NPY2R: variants seen among roughly 807,000 people sequenced by gnomAD.
The protein encoded by NPY2R is neuropeptide Y receptor Y2.
NPY2R carries 17 observed loss-of-function variants against 22.3 expected under a neutral mutation model. That is an observed-to-expected ratio of 0.76 (90% CI 0.52 to 1.14). The LOEUF (loss-of-function observed/expected upper bound fraction) is 1.14, where lower values mean the gene tolerates loss of function less well. NPY2R is among the 50% of genes most tolerant of loss of function. The pLI is 0.00. For missense variants in NPY2R, 424 were observed against 467.9 expected (o/e 0.91, Z 0.87); for synonymous variants, 209 against 183.4 (o/e 1.14, Z -1.13).
rs144160377 is a variant in NPY2R, at chr4:155,214,198, T to G, written c.259T>G (p.Phe87Val). The stretch of plus-strand genomic sequence containing the variant: ...CAAGAGCATGCGCACAGTAACCAAC[T>G]TTTTCATTGCCAATCTGGCTGTGGC... ...KFKSMRTVTN[F>V]FIANLAVADL... is the part of the protein sequence containing the mutation. Residue 87 changes from phenylalanine to valine, a missense_variant, in exon 2 of 2, where the codon TTT becomes GTT. Phe to Val is a conservative substitution (Grantham distance 50). Coordinates refer to ENST00000329476, the MANE Select transcript of NPY2R (RefSeq NM_000910.4). 1.2e-6 allele frequency: 2 copies of G among 1,614,014 alleles called. No individual in the cohort carries two copies. The highest frequency in any genetic ancestry group is 1.3e-5 in the African/African-American group (1 of 74,918).
the NPY2R span, among the ~76,000 whole-genome samples, chr4:155,199,261 C>A: frequency 6.6e-6 from 1 of 151,738 alleles, no homozygotes; most frequent in Non-Finnish European, 1.5e-5. Context: ...ATTGAACAAA[C>A]AAACAACATC....
At chr4:155,204,971 A>C (rs1729252929), upstream of NPY2R, among the ~76,000 whole-genome samples, 1 of 151,912 alleles carries the variant, frequency 6.6e-6, no homozygotes, top group Non-Finnish European at 1.5e-5. Context: ...CATATATGAA[A>C]AATGGACCTT....
the NPY2R span, among the ~76,000 whole-genome samples, chr4:155,177,930 C>T: frequency 3.9e-5 from 6 of 152,106 alleles, no homozygotes; most frequent in East Asian, 5.8e-4. Flanking sequence ...TACCTTCAAA[C>T]CATAGCACCT....
upstream of NPY2R, among the ~76,000 whole-genome samples, chr4:155,203,798 C>CAATCAGTTT (rs1301051241): frequency 3.9e-5 from 6 of 152,160 alleles, no homozygotes; most frequent in Non-Finnish European, 7.4e-5. Context: ...TAAAGCAAGA[C>CAATCAGTTT]AATCAGTTTT....
chr4:155,174,984 A>G, the NPY2R span, among the ~76,000 whole-genome samples: 3 of 152,140 alleles, frequency 2.0e-5, no homozygotes, highest in Non-Finnish European at 4.4e-5. Flanking sequence ...AGAAAATTTT[A>G]AAATCTTTAA....
chr4:155,195,084 A>G, the NPY2R span, among the ~76,000 whole-genome samples: 1 of 151,974 alleles, frequency 6.6e-6, no homozygotes, highest in African/African-American at 2.4e-5. Flanking sequence ...AGAATTTACA[A>G]TGGATAACTT....
the NPY2R span, among the ~76,000 whole-genome samples, chr4:155,195,901 T>C: frequency 6.6e-6 from 1 of 152,022 alleles, no homozygotes; most frequent in African/African-American, 2.4e-5. Flanking sequence ...TGTGTAACAT[T>C]TGCTCTTAGT....
chr4:155,191,875 C>T, the NPY2R span, among the ~76,000 whole-genome samples: 2 of 151,890 alleles, frequency 1.3e-5, no homozygotes, highest in African/African-American at 4.8e-5. Context: ...GTGGCTGTCA[C>T]ATACTACATA....
At chr4:155,176,917 T>C in the NPY2R span, among the ~76,000 whole-genome samples, 1 of 152,130 alleles carries the variant, frequency 6.6e-6, no homozygotes. Flanking sequence ...TGTGTTCCCA[T>C]GGCGGAAGAG....
At chr4:155,174,484 A>ATATATATATATAT in the NPY2R span, among the ~76,000 whole-genome samples, 65 of 106,056 alleles carry the variant, frequency 6.1e-4, no homozygotes, top group Middle Eastern at 4.4e-3. Flanking sequence ...ATATATATAT[A>ATATATATATATAT]TTTTTTTTTT....
chr4:155,181,463 TA>T, the NPY2R span, among the ~76,000 whole-genome samples: 75 of 151,504 alleles, frequency 5.0e-4, no homozygotes, highest in Middle Eastern at 3.4e-3. Context: ...AAAAGAGCAT[TA>T]AAAAAAAACC....
the NPY2R span, among the ~76,000 whole-genome samples, chr4:155,196,682 AG>A: frequency 6.6e-6 from 1 of 151,938 alleles, no homozygotes; most frequent in East Asian, 1.9e-4. Context: ...TGCTTGAAGG[AG>A]AGAGTCATAG....
rs1578901436 is a variant in NPY2R, at chr4:155,214,173, C to T, written c.234C>T (p.Phe78=). Residue 78 remains phenylalanine (F), a synonymous_variant, in exon 2 of 2, where the codon TTC becomes TTT. Transcript: ENST00000329476. ...NSLVIHVVIK[F]KSMRTVTNFF... ...TGGTGATCCATGTGGTGATCAAATT[C>T]AAGAGCATGCGCACAGTAACCAACT... 6.2e-7 allele frequency: 1 copy of T among 1,613,958 alleles called. No individual in the cohort carries two copies.
intron 1 of NPY2R, 74 bp from the exon 2 acceptor site, chr4:155,213,818 T>C (rs918980484): frequency 2.6e-5 from 22 of 839,188 alleles, no homozygotes; most frequent in African/African-American, 1.3e-4. Flanking sequence ...ATTTCTTTGC[T>C]TCACCTTTGT....
upstream of NPY2R, chr4:155,208,492 G>A (rs950768661): frequency 6.6e-6 from 1 of 152,420 alleles, no homozygotes; most frequent in Non-Finnish European, 1.5e-5. This position sits in a 1 kb window ranked among gnomAD's most constrained non-coding sequence, Gnocchi z 5.6. Context: ...GGGAGGTAGG[G>A]GTGGCGCAAA....
chr4:155,216,897 T>C lies in NPY2R; in HGVS notation c.*1812T>C, dbSNP rs1397483504. ...GTTAAAGATTTACCCTCCCTCTTGG[T>C]GAATTATTACACTGTAAGAAATGTA... On this transcript the variant is annotated 3_prime_UTR_variant, in exon 2 of 2. Coordinates refer to ENST00000329476, the MANE Select transcript of NPY2R (RefSeq NM_000910.4). 6.0e-6 allele frequency: 1 copy of C among 167,108 alleles called. No homozygotes were observed. The highest frequency in any genetic ancestry group is 1.5e-5 in the Non-Finnish European group (1 of 68,122). 10.4% of individuals were successfully genotyped at this position (167,108 alleles called of 1,614,324 possible). A position where few individuals can be genotyped will look rare whatever the true frequency, so the allele number is the denominator to read the frequency against.
upstream of NPY2R, chr4:155,207,513 G>C (rs1348365734): frequency 6.6e-6 from 1 of 152,220 alleles, no homozygotes; most frequent in Non-Finnish European, 1.5e-5. Context: ...TTGTATGTAG[G>C]TAGCTCTACT....
chr4:155,205,309 T>C (rs1015506691), upstream of NPY2R, among the ~76,000 whole-genome samples: 1 of 152,258 alleles, frequency 6.6e-6, no homozygotes, highest in African/African-American at 2.4e-5. Flanking sequence ...ATGATGTTTT[T>C]GTTTATTCTA....
chr4:155,187,038 G>A, the NPY2R span, among the ~76,000 whole-genome samples: 1 of 152,238 alleles, frequency 6.6e-6, no homozygotes, highest in Admixed American at 6.6e-5. Context: ...TTAGAACAGA[G>A]CTCCTTTAAT....
Sources: allele counts gnomAD v4.1 joint callset (sites outside exome capture counted in the v4.1 genomes callset), GRCh38; gene constraint gnomAD v4.1.1; non-coding constraint Gnocchi (gnomAD v3.1); transcripts MANE v1.5; gene names NCBI Gene and HGNC (gene_info 2026-07-23, HGNC 2026-07-21).